The following KALRN variants were observed in gnomAD, a reference collection of about 807,000 sequenced individuals.
KALRN encodes the protein kalirin.
KALRN carries 70 observed loss-of-function variants against 353.7 expected under a neutral mutation model. The ratio of observed to expected loss-of-function variants is 0.20; its 90% CI spans 0.16 to 0.24. The LOEUF is 0.24. Ranked by LOEUF, KALRN falls within the 10% of genes least tolerant of loss-of-function variation. The probability of loss-of-function intolerance (pLI) is 1.00; values close to 1 mark genes in which losing one functional copy is unlikely to be tolerated. For synonymous variants in KALRN, 1,391 were observed against 1,434.8 expected (o/e 0.97, Z 0.69); for missense variants, 2,791 against 3,756.7 (o/e 0.74, Z 6.72).
At position 124,152,979 on chromosome 3, in the gene KALRN, TTCTC is replaced by T. The variant is rs888460210; in HGVS notation, c.74-75010_74-75007del. The T allele has an allele frequency of 6.0e-5, 14 of 232,056 alleles. No homozygotes were observed. The South Asian group carries it at 7.1e-4, about 12-fold the overall frequency. 14.4% of individuals were successfully genotyped at this position (232,056 alleles called of 1,614,324 possible). On this transcript the variant is annotated intron_variant, in intron 1 of 59. Transcript: ENST00000682506. ...TTGAAGCACCTTTGTGCAAACTTCT[TTCTC>T]AGGTGCTTGATCTTCAGCTCTGTGA...
chr3:124,169,548 A>G (rs1336109823), intron 1 of KALRN, among the ~76,000 whole-genome samples: 1 of 152,102 alleles, frequency 6.6e-6, no homozygotes, highest in East Asian at 1.9e-4. Flanking sequence ...CCGGGGATTG[A>G]CAGAGGGGCA....
chr3:124,698,712 C>T (rs767387167), intron 55 of KALRN, among the ~76,000 whole-genome samples: 16 of 150,906 alleles, frequency 1.1e-4, no homozygotes, highest in Non-Finnish European at 1.3e-4. Context: ...TAGTGTAGTA[C>T]GGGTGGAGTT....
At chr3:124,087,931 C>A (rs1484480982) in intron 1 of KALRN, among the ~76,000 whole-genome samples, 1 of 152,180 alleles carries the variant, frequency 6.6e-6, no homozygotes, top group African/African-American at 2.4e-5. Flanking sequence ...AGATGAGTTA[C>A]AGTAAAATGT....
intron 49 of KALRN, chr3:124,677,284 G>A (rs1305388460): frequency 9.8e-6 from 2 of 203,384 alleles, no homozygotes; most frequent in African/African-American, 4.7e-5. Context: ...GCCTGCTCAG[G>A]GTCACTGATG....
intron 37 of KALRN, among the ~76,000 whole-genome samples, chr3:124,640,948 T>G (rs1185652173): frequency 1.3e-5 from 2 of 152,220 alleles, no homozygotes; most frequent in Non-Finnish European, 2.9e-5. Flanking sequence ...TGGACTTTAC[T>G]GAGTCCTTAA....
At position 124,269,223 on chromosome 3, in the gene KALRN, C is replaced by G. The variant is rs779344452; in HGVS notation, c.937C>G (p.Gln313Glu). ...CAAGCTCAAGCTGGACCAGTGCTTTCAGCTGCGGCTCTTCGAGCAGGATGC... is the reference window on the plus strand; with the variant it reads ...CAAGCTCAAGCTGGACCAGTGCTTTGAGCTGCGGCTCTTCGAGCAGGATGC... Reference protein sequence around the residue: ...VRKLKLDQCFQLRLFEQDAEK... With the variant: ...VRKLKLDQCFELRLFEQDAEK... The change falls in exon 5 of 60, where the codon CAG becomes GAG. Residue 313 changes from glutamine to glutamate, a missense_variant. By Grantham distance (29) the Gln-to-Glu change is conservative. Transcript: ENST00000682506. 6.2e-7 allele frequency: 1 copy of G among 1,602,066 alleles called. No individual in the cohort carries two copies. The highest frequency in any genetic ancestry group is 8.5e-7 in the Non-Finnish European group (1 of 1,170,748).
chr3:124,462,590 A>G lies in KALRN; in HGVS notation c.3988A>G (p.Ile1330Val). The G allele has an allele frequency of 1.2e-6, 2 of 1,612,790 alleles. No individual in the cohort carries two copies. The highest frequency in any genetic ancestry group is 2.2e-5 in the South Asian group (2 of 91,036). The change falls in exon 25 of 60, where the codon ATC becomes GTC. Residue 1330 changes from isoleucine to valine, a missense_variant. Physicochemically the swap from Ile to Val is conservative, Grantham distance 29. Around this residue, in one of 11 missense-constraint regions of KALRN, gnomAD observed 268 missense variants for 347.0 expected, o/e 0.77. Transcript: ENST00000682506. ...IPPGILNKEHIIFGNIQEIYD... is the reference protein window; with the variant it reads ...IPPGILNKEHVIFGNIQEIYD... ...CCCTGGGATCCTCAATAAAGAGCAT[A>G]TCATCTTTGGCAACATCCAAGAGAT...
At chr3:124,586,480 T>G (rs892743856) in intron 34 of KALRN, among the ~76,000 whole-genome samples, 1 of 152,172 alleles carries the variant, frequency 6.6e-6, no homozygotes, top group African/African-American at 2.4e-5. Context: ...TTGCTGGCCC[T>G]TGCTTTGTTG....
chr3:124,664,376 C>CGCGT (rs2085328347), intron 45 of KALRN, among the ~76,000 whole-genome samples: 1 of 145,942 alleles, frequency 6.9e-6, no homozygotes, highest in Non-Finnish European at 1.5e-5. Context: ...TGTGTGCGCG[C>CGCGT]GCGCGCATAT....
intron 37 of KALRN, among the ~76,000 whole-genome samples, chr3:124,642,097 C>T (rs2082093488): frequency 6.6e-6 from 1 of 152,134 alleles, no homozygotes; most frequent in Admixed American, 6.5e-5. Flanking sequence ...GCCTAGGCAA[C>T]ACGGTGAAAC....
At chr3:124,566,539 C>T (rs913778406) in intron 34 of KALRN, among the ~76,000 whole-genome samples, 5 of 151,798 alleles carry the variant, frequency 3.3e-5, no homozygotes, top group Non-Finnish European at 5.9e-5. Context: ...TCTGCATTCT[C>T]CATGGAGCAC....
rs574694932 is a variant in KALRN, at chr3:124,714,410, T to C, written c.8276+1275T>C. Among the ~76,000 whole-genome samples, 12 of 152,306 alleles carry C rather than the reference T, an allele frequency of 7.9e-5. No homozygotes were observed. In the South Asian group the frequency reaches 2.1e-3, roughly 26 times the overall value. ...GCTGTTTCAAGGGAAGGTGCTGATATTGGGCTACTGTAGTGCAATGGAAAG... is the reference window on the plus strand; with the variant it reads ...GCTGTTTCAAGGGAAGGTGCTGATACTGGGCTACTGTAGTGCAATGGAAAG... On this transcript the variant is annotated intron_variant, in intron 58 of 59. Coordinates refer to ENST00000682506, the MANE Select transcript of KALRN (RefSeq NM_001388419.1).
At chr3:124,352,844 T>G (rs150041099) in intron 10 of KALRN, among the ~76,000 whole-genome samples, 1,853 of 152,116 alleles carry the variant, frequency 0.012, 29 homozygotes, top group African/African-American at 0.041. Flanking sequence ...GAGGGGAACA[T>G]CACACACTGG....
At chr3:124,442,115 A>C (rs1270977645) in intron 19 of KALRN, 56 bp downstream of exon 19, 1 of 1,052,040 alleles carries the variant, frequency 9.5e-7, no homozygotes, top group Non-Finnish European at 1.4e-6. Flanking sequence ...CCTCCCTGAA[A>C]TATACCATGT....
In KALRN at chr3:124,642,304, A is replaced by AAG. The variant is rs34625612; in HGVS notation, c.5664+5019_5664+5020dup. Among the ~76,000 whole-genome samples the AAG allele has an allele frequency of 6.5e-3, 971 of 150,014 alleles. 12 individuals carry two copies. The highest frequency in any genetic ancestry group is 0.022 in the African/African-American group (883 of 40,762). On this transcript the variant is annotated intron_variant, in intron 37 of 59. Transcript: ENST00000682506. ...TCTCTACAGAAAAACAAAAAATTAA[A>AAG]AGAGAGAGAGAGAGAGAGATAGAAA...
rs2062242059 is a variant in KALRN at position 124,700,033 on chromosome 3, G to A, written c.7996G>A (p.Asp2666Asn). Reference protein sequence around the residue: ...PSEFVRLPEYDAAADGATISW... With the variant: ...PSEFVRLPEYNAAADGATISW... ...GGAGTTTGTGCGACTTCCAGAATAT[G>A]GTGAGTCCCAGCCCAGCCCTGGCCC... Residue 2666 changes from aspartate (D) to asparagine (N), a missense_variant and splice_region_variant, in exon 56 of 60, where the codon GAT becomes AAT. Physicochemically the swap from Asp to Asn is conservative, Grantham distance 23. This residue lies in a region of KALRN where 188 missense variants were observed against 402.9 expected (regional missense o/e 0.47). Transcript: ENST00000682506. 1 of 1,613,886 alleles carries A rather than the reference G, an allele frequency of 6.2e-7. No individual in the cohort carries two copies.
In KALRN at chr3:124,477,233, T is replaced by C. The variant is rs1300437499; in HGVS notation, c.4102-12T>C. On this transcript the variant is annotated splice_polypyrimidine_tract_variant and intron_variant, in intron 26 of 59. Transcript: ENST00000682506. Reference sequence around the variant, plus strand: ...ATGAATGCTTATCTATTATTATCTTTGTTCTTTTTAGGCAGACAAATTTCA... The same window carrying C: ...ATGAATGCTTATCTATTATTATCTTCGTTCTTTTTAGGCAGACAAATTTCA... The C allele has an allele frequency of 6.3e-7, 1 of 1,584,068 alleles. No homozygotes were observed. The highest frequency in any genetic ancestry group is 2.2e-5 in the East Asian group (1 of 44,630).
chr3:124,330,794 T>C (rs1560584555), intron 8 of KALRN, among the ~76,000 whole-genome samples: 1 of 152,160 alleles, frequency 6.6e-6, no homozygotes, highest in South Asian at 2.1e-4. Context: ...AACCCATGTG[T>C]TTCCTCTGGG....
intron 5 of KALRN, among the ~76,000 whole-genome samples, chr3:124,293,791 G>A (rs779314389): frequency 6.6e-6 from 1 of 152,000 alleles, no homozygotes; most frequent in Non-Finnish European, 1.5e-5. Flanking sequence ...CACCATTTGT[G>A]GCTTCTCAAA....
Sources: allele counts gnomAD v4.1 joint callset (sites outside exome capture counted in the v4.1 genomes callset), GRCh38; gene constraint gnomAD v4.1.1; regional missense constraint gnomAD v4.1.1; transcripts MANE v1.5; gene names NCBI Gene and HGNC (gene_info 2026-07-23, HGNC 2026-07-21).